AGGF1: variants seen among roughly 807,000 people sequenced by gnomAD.
AGGF1 encodes angiogenic factor with G-patch and FHA domains 1, also known as angiogenic factor with G patch and FHA domains 1.
AGGF1 carries 56 observed loss-of-function variants against 86.5 expected under a neutral mutation model. That is an observed-to-expected ratio of 0.65 (90% CI 0.52 to 0.81). The LOEUF (loss-of-function observed/expected upper bound fraction) is 0.81, where lower values mean the gene tolerates loss of function less well. Among genes scored for constraint, AGGF1 ranks in the 30% least tolerant of loss-of-function variants. The pLI is 0.00. For synonymous variants in AGGF1, 313 were observed against 297.1 expected (o/e 1.05, Z -0.55); for missense variants, 816 against 850.9 (o/e 0.96, Z 0.51).
At chr5:77,054,524 C>A (rs1476823440) in intron 10 of AGGF1, among the ~76,000 whole-genome samples, 1 of 152,038 alleles carries the variant, frequency 6.6e-6, no homozygotes, top group African/African-American at 2.4e-5. Context: ...TAGTGGTAGT[C>A]AAATGTACTT....
rs765334268 is a variant in AGGF1, at chr5:77,063,264, A to AG, written c.*13dup. 2.1e-5 allele frequency: 34 copies of AG among 1,593,232 alleles called. No individual in the cohort carries two copies. Among genetic ancestry groups the AG allele is most frequent in the South Asian group, 6.7e-5 (6 of 89,606 alleles). ...GGACTTTAGAGTGAAGGCTAATCAT[A>AG]GAAAAAAAACCTCTAGTTTTTTTAA... On this transcript the variant is annotated 3_prime_UTR_variant, in exon 14 of 14. Coordinates refer to ENST00000312916, the MANE Select transcript of AGGF1 (RefSeq NM_018046.5).
Position 77,036,600 on chromosome 5 carries a change from CTCA to C in AGGF1, c.566_568del (p.Ser189del), listed in dbSNP as rs768010448. On this transcript the variant is annotated inframe_deletion, in exon 4 of 14. Transcript: ENST00000312916. ...CAACAGAAGATACCTCCTTAGAAGG[CTCA>C]TCATTAGCTGAAAGTTTGAGAGCTG... 4 of 1,614,142 alleles carry C rather than the reference CTCA, an allele frequency of 2.5e-6. No homozygotes were observed. In the East Asian group the frequency reaches 8.9e-5, roughly 36 times the overall value.
At chr5:77,050,414 T>G (rs933728047) in intron 8 of AGGF1, among the ~76,000 whole-genome samples, 18 of 149,248 alleles carry the variant, frequency 1.2e-4, no homozygotes, top group African/African-American at 4.5e-4. Context: ...CTCCTGGGCT[T>G]AAGTGATCCT....
chr5:77,043,693 C>A (rs1297410751), intron 5 of AGGF1, among the ~76,000 whole-genome samples: 1 of 142,464 alleles, frequency 7.0e-6, no homozygotes, highest in African/African-American at 2.6e-5. Flanking sequence ...CCCCCCACCT[C>A]CCTCCCGGAC....
In AGGF1 at chr5:77,030,463, A is replaced by G. The variant is rs966673653; in HGVS notation, c.-304A>G. 1 of 581,220 alleles carries G rather than the reference A, an allele frequency of 1.7e-6. No homozygotes were observed. The allele number at this position is 581,220 out of a possible 1,614,324, so 36.0% of individuals were successfully genotyped here. Reference sequence around the variant, plus strand: ...AGCTCTTCTGGCCTCTGGTTTTCCGACTGCTTATCCGACGCTCCTCCCTCT... The same window carrying G: ...AGCTCTTCTGGCCTCTGGTTTTCCGGCTGCTTATCCGACGCTCCTCCCTCT... On this transcript the variant is annotated 5_prime_UTR_variant, in exon 1 of 14. Coordinates refer to ENST00000312916, the MANE Select transcript of AGGF1 (RefSeq NM_018046.5).
At chr5:77,057,743 C>G (rs1304001144) in intron 11 of AGGF1, among the ~76,000 whole-genome samples, 2 of 152,196 alleles carry the variant, frequency 1.3e-5, no homozygotes. Flanking sequence ...TTGAGCAACC[C>G]TGGAAAGCAT....
intron 5 of AGGF1, among the ~76,000 whole-genome samples, chr5:77,042,220 A>C (rs555904410): frequency 6.7e-4 from 102 of 151,808 alleles, no homozygotes; most frequent in Middle Eastern, 3.4e-3. Flanking sequence ...CTTTCTACAC[A>C]GACACGGCAA....
Position 77,058,853 on chromosome 5 carries a change from C to A in AGGF1, c.1717-763C>A, listed in dbSNP as rs370000992. Among the ~76,000 whole-genome samples the A allele has an allele frequency of 2.5e-4, 38 of 152,296 alleles. 1 individual carries two copies. Among genetic ancestry groups the A allele is most frequent in the African/African-American group, 7.7e-4 (32 of 41,576 alleles). ...GTATACCTTTATTGAACCACTCGTA[C>A]TGCAACAGGCCAAAGAAAGATTATG... On this transcript the variant is annotated intron_variant, in intron 11 of 13. Coordinates refer to ENST00000312916, the MANE Select transcript of AGGF1 (RefSeq NM_018046.5).
chr5:77,052,349 T>G (rs1170906267), intron 8 of AGGF1, among the ~76,000 whole-genome samples: 1 of 151,438 alleles, frequency 6.6e-6, no homozygotes. Flanking sequence ...CGAGACCCTG[T>G]CTCAAAAAAA....
chr5:77,042,757 G>A (rs1747135291), intron 5 of AGGF1, among the ~76,000 whole-genome samples: 1 of 49,574 alleles, frequency 2.0e-5, no homozygotes, highest in African/African-American at 5.7e-5. Flanking sequence ...GGCCGGGCAG[G>A]GGGGCTGACC....
rs1281529504 is a variant in AGGF1, at chr5:77,046,433, G to A, written c.957G>A (p.Lys319=). Residue 319 remains lysine (K), a synonymous_variant, in exon 6 of 14, where the codon AAG becomes AAA. Coordinates refer to ENST00000312916, the MANE Select transcript of AGGF1 (RefSeq NM_018046.5). The part of the protein sequence containing the change: ...EEENFANMKK[K]AKIGIHHKNS... ...AAAATTTCGCAAATATGAAAAAGAA[G>A]GCCAAAATAGGCATTCATCACAAAA... is the stretch of plus-strand genomic sequence containing the variant. 1.2e-6 allele frequency: 2 copies of A among 1,613,882 alleles called. No homozygotes were observed. Among genetic ancestry groups the A allele is most frequent in the Non-Finnish European group, 1.7e-6 (2 of 1,179,922 alleles).
At chr5:77,048,865 A>T in intron 7 of AGGF1, 71 bp from the exon 8 acceptor site, 1 of 1,436,076 alleles carries the variant, frequency 7.0e-7, no homozygotes, top group Non-Finnish European at 9.8e-7. Context: ...TCTGTTTTTT[A>T]AAATTCTTTC....
At chr5:77,039,089 G>C (rs1231382870) in intron 4 of AGGF1, among the ~76,000 whole-genome samples, 1 of 151,934 alleles carries the variant, frequency 6.6e-6, no homozygotes, top group South Asian at 2.1e-4. Context: ...AGGGTTTAGG[G>C]GTTTATACTG....
In AGGF1 at chr5:77,052,814, G is replaced by A. The variant is rs752765830; in HGVS notation, c.1467+7G>A. The A allele has an allele frequency of 1.9e-6, 3 of 1,601,608 alleles. No individual in the cohort carries two copies. The African/African-American group carries it at 4.0e-5, about 21-fold the overall frequency. ...TGGAAAACAGATTCTTCAGGTGAGT[G>A]TATATGTGTTAATTTGTTACCTGCA... On this transcript the variant is annotated splice_region_variant and intron_variant, in intron 9 of 13. Transcript: ENST00000312916.
At chr5:77,034,659 A>G (rs1330970050) in intron 2 of AGGF1, 139 bp downstream of exon 2, 1 of 680,816 alleles carries the variant, frequency 1.5e-6, no homozygotes, top group Non-Finnish European at 2.7e-6. Flanking sequence ...CCATATGATA[A>G]TGGTATTTTC....
At chr5:77,042,952 G>A (rs1747148397) in intron 5 of AGGF1, among the ~76,000 whole-genome samples, 1 of 64,006 alleles carries the variant, frequency 1.6e-5, no homozygotes, top group Non-Finnish European at 3.5e-5. Flanking sequence ...CTGGCCGGGC[G>A]GGGGGCCGAC....
At chr5:77,033,735 T>A (rs997961824) in intron 1 of AGGF1, among the ~76,000 whole-genome samples, 1 of 152,342 alleles carries the variant, frequency 6.6e-6, no homozygotes. Flanking sequence ...GTAGTAGACA[T>A]TGTCTCACAT....
At chr5:77,052,676 A>G in intron 8 of AGGF1, 30 bp from the exon 9 acceptor site, 1 of 1,506,166 alleles carries the variant, frequency 6.6e-7, no homozygotes, top group Non-Finnish European at 9.2e-7. Context: ...AAGTATAATA[A>G]TTAATAATTG....
intron 2 of AGGF1, among the ~76,000 whole-genome samples, chr5:77,035,255 G>C (rs1746942445): frequency 6.6e-6 from 1 of 151,930 alleles, no homozygotes; most frequent in Non-Finnish European, 1.5e-5. Flanking sequence ...CCTATCTACA[G>C]ATTTTTATTT....
Sources: gnomAD v4.1 joint callset for allele counts (sites outside exome capture counted in the v4.1 genomes callset) on GRCh38, gnomAD v4.1.1 for gene constraint, MANE v1.5 for transcripts, NCBI Gene and HGNC (gene_info 2026-07-23, HGNC 2026-07-21) for gene names.